The following PTPN3 variants were observed in gnomAD, a reference collection of about 807,000 sequenced individuals.
PTPN3 encodes the protein protein tyrosine phosphatase non-receptor type 3.
PTPN3 carries 96 observed loss-of-function variants against 132.7 expected under a neutral mutation model. The ratio of observed to expected loss-of-function variants is 0.72; its 90% CI spans 0.61 to 0.86. The LOEUF (loss-of-function observed/expected upper bound fraction) is 0.86, where lower values mean the gene tolerates loss of function less well. Among genes scored for constraint, PTPN3 ranks in the 40% least tolerant of loss-of-function variants. The pLI is 0.00. For synonymous variants in PTPN3, 398 were observed against 429.0 expected, an observed-to-expected ratio of 0.93 and a Z score of 0.89; for missense variants, 1,125 against 1,159.6, an observed-to-expected ratio of 0.97 and a Z score of 0.43.
intron 14 of PTPN3, among the ~76,000 whole-genome samples, chr9:109,419,198 GGT>G (rs1842729808): frequency 6.6e-6 from 1 of 152,200 alleles, no homozygotes; most frequent in Non-Finnish European, 1.5e-5. Context: ...TTTAACCAGA[GGT>G]GTTAAGAACA....
chr9:109,386,022 A>G (rs1239726136), intron 22 of PTPN3, among the ~76,000 whole-genome samples: 1 of 152,222 alleles, frequency 6.6e-6, no homozygotes, highest in African/African-American at 2.4e-5. Flanking sequence ...GTCCTGCTCT[A>G]CTAAATGCAT....
At chr9:109,458,846 T>C (rs1845689585) in intron 2 of PTPN3, among the ~76,000 whole-genome samples, 1 of 152,246 alleles carries the variant, frequency 6.6e-6, no homozygotes, top group Admixed American at 6.5e-5. Context: ...TATATTACAT[T>C]TAATATATAT....
chr9:109,445,682 T>C (rs1346368743), intron 6 of PTPN3, among the ~76,000 whole-genome samples: 2 of 152,216 alleles, frequency 1.3e-5, no homozygotes, highest in East Asian at 1.9e-4. Flanking sequence ...AGACTCATCA[T>C]AGGGCTCTCT....
the PTPN3 span, chr9:109,533,013 T>A: frequency 2.4e-6 from 1 of 416,000 alleles, no homozygotes; most frequent in Non-Finnish European, 3.5e-6. Flanking sequence ...TGGAGTGCAA[T>A]GGCGCGATCT....
At chr9:109,392,065 G>A (rs1273527896) in intron 19 of PTPN3, among the ~76,000 whole-genome samples, 1 of 152,076 alleles carries the variant, frequency 6.6e-6, no homozygotes, top group Non-Finnish European at 1.5e-5. Context: ...CATTTACAGA[G>A]GTACTTCCCT....
intron 14 of PTPN3, among the ~76,000 whole-genome samples, chr9:109,413,702 C>T (rs914577857): frequency 5.9e-5 from 9 of 151,990 alleles, no homozygotes; most frequent in African/African-American, 1.9e-4. Flanking sequence ...CATGGAAGAG[C>T]CAGTGTGGGA....
chr9:109,528,693 T>C, the PTPN3 span, among the ~76,000 whole-genome samples: 1 of 140,638 alleles, frequency 7.1e-6, no homozygotes, highest in East Asian at 2.3e-4. Context: ...TTCATGTTGG[T>C]GCACTTTTCT....
At chr9:109,402,456 T>G (rs1454896905) in intron 19 of PTPN3, among the ~76,000 whole-genome samples, 1 of 151,998 alleles carries the variant, frequency 6.6e-6, no homozygotes, top group Non-Finnish European at 1.5e-5. Context: ...TTTTTGTATT[T>G]TTAATAGAGA....
chr9:109,499,852 C>A (rs1201412279), upstream of PTPN3, among the ~76,000 whole-genome samples: 1 of 152,152 alleles, frequency 6.6e-6, no homozygotes, highest in East Asian at 1.9e-4. Flanking sequence ...GCCCGCGCCC[C>A]GCCCGGCCCG....
intron 14 of PTPN3, 71 bp from the exon 15 acceptor site, chr9:109,410,486 T>G: frequency 6.6e-7 from 1 of 1,510,276 alleles, no homozygotes. Context: ...CTACTGACTG[T>G]AGGGGCCTGG....
At chr9:109,494,971 G>A (rs1847614272) in intron 1 of PTPN3, among the ~76,000 whole-genome samples, 1 of 152,042 alleles carries the variant, frequency 6.6e-6, no homozygotes, top group South Asian at 2.1e-4. Context: ...CAACATTTCT[G>A]GGTCTTAGAA....
chr9:109,475,410 A>AGATGAGGG (rs1464118480), intron 1 of PTPN3, among the ~76,000 whole-genome samples: 1 of 152,248 alleles, frequency 6.6e-6, no homozygotes, highest in African/African-American at 2.4e-5. Flanking sequence ...GTGAAATAGG[A>AGATGAGGG]GATGAGGGAC....
In PTPN3 at chr9:109,391,512, G is replaced by C; in HGVS notation, c.2003C>G (p.Pro668Arg). The change falls in exon 20 of 26, where the codon CCT becomes CGT. Residue 668 changes from proline (P) to arginine (R), a missense_variant. Pro to Arg is a moderately radical substitution (Grantham distance 103, BLOSUM62 -2). Transcript: ENST00000374541. ...PGLAITFAKLPQNLDKNRYKD... is the reference protein window; with the variant it reads ...PGLAITFAKLRQNLDKNRYKD... ...ATATCGGTTTTTGTCCAAATTTTGAGGCAGCTTTGCAAACGTGATGGCCAA... is the reference window on the plus strand; with the variant it reads ...ATATCGGTTTTTGTCCAAATTTTGACGCAGCTTTGCAAACGTGATGGCCAA... 6.2e-7 allele frequency: 1 copy of C among 1,613,954 alleles called. No individual in the cohort carries two copies. Among genetic ancestry groups the C allele is most frequent in the Non-Finnish European group, 8.5e-7 (1 of 1,179,960 alleles).
chr9:109,418,006 T>C (rs545790625), intron 14 of PTPN3, among the ~76,000 whole-genome samples: 1 of 152,310 alleles, frequency 6.6e-6, no homozygotes, highest in South Asian at 2.1e-4. Flanking sequence ...TTAATTTTAA[T>C]GAACTGGAAT....
intron 7 of PTPN3, among the ~76,000 whole-genome samples, chr9:109,441,101 T>C (rs921867302): frequency 1.3e-5 from 2 of 152,200 alleles, no homozygotes; most frequent in Non-Finnish European, 2.9e-5. Flanking sequence ...GAGGCTAGAC[T>C]CTGACCATAG....
chr9:109,433,246 A>T, intron 9 of PTPN3, 85 bp from the exon 10 acceptor site: 1 of 1,559,884 alleles, frequency 6.4e-7, no homozygotes, highest in Admixed American at 1.8e-5. Flanking sequence ...ACGCTGTTAT[A>T]AATAGTCATA....
the PTPN3 span, among the ~76,000 whole-genome samples, chr9:109,537,059 T>C: frequency 6.6e-6 from 1 of 152,108 alleles, no homozygotes; most frequent in South Asian, 2.1e-4. Flanking sequence ...CCAAGGACCT[T>C]GGCAGGACTC....
At chr9:109,490,935 G>A (rs992775010) in intron 1 of PTPN3, among the ~76,000 whole-genome samples, 3 of 149,650 alleles carry the variant, frequency 2.0e-5, no homozygotes, top group African/African-American at 4.9e-5. Flanking sequence ...GCAGTGGCTC[G>A]GGCCTGTATC....
chr9:109,533,661 G>C, the PTPN3 span: 11 of 1,487,348 alleles, frequency 7.4e-6, no homozygotes, highest in African/African-American at 1.4e-5. Flanking sequence ...CCTGCACCCT[G>C]GTTGTCAGCA....
Sources: allele counts gnomAD v4.1 joint callset (sites outside exome capture counted in the v4.1 genomes callset), GRCh38; gene constraint gnomAD v4.1.1; transcripts MANE v1.5; gene names NCBI Gene and HGNC (gene_info 2026-07-23, HGNC 2026-07-21).